The following REC114 variants were observed in gnomAD, a reference collection of about 807,000 sequenced individuals.
REC114 encodes the protein meiotic recombination protein REC114.
A neutral mutation model predicts 31.3 loss-of-function variants in REC114; 27 were observed. The ratio of observed to expected loss-of-function variants is 0.86; its 90% confidence interval spans 0.64 to 1.19. The LOEUF is 1.19. Ranked by LOEUF, REC114 falls within the 50% of genes most tolerant of loss-of-function variation. The pLI is 0.00. For synonymous variants in REC114, 134 were observed against 127.7 expected, an observed-to-expected ratio of 1.05 and a Z score of -0.33; for missense variants, 344 against 326.9, an observed-to-expected ratio of 1.05 and a Z score of -0.40.
chr15:73,470,818 G>A (rs572581650), intron 1 of REC114, among the ~76,000 whole-genome samples: 2 of 152,284 alleles, frequency 1.3e-5, no homozygotes, highest in South Asian at 4.1e-4. Flanking sequence ...TTAAGCTAAG[G>A]TTTGAAGATG....
intron 1 of REC114, among the ~76,000 whole-genome samples, chr15:73,463,289 G>A (rs901164333): frequency 7.2e-5 from 11 of 152,044 alleles, no homozygotes; most frequent in African/African-American, 2.7e-4. Flanking sequence ...TTTGCTGACC[G>A]CCATCTCTGT....
intron 1 of REC114, among the ~76,000 whole-genome samples, chr15:73,456,792 T>C (rs1225192653): frequency 6.6e-6 from 1 of 152,190 alleles, no homozygotes; most frequent in East Asian, 1.9e-4. Context: ...TTTTCTTGTC[T>C]GTAAAATCTG....
intron 2 of REC114, among the ~76,000 whole-genome samples, chr15:73,476,198 A>G (rs557514382): frequency 6.6e-6 from 1 of 152,362 alleles, no homozygotes; most frequent in African/African-American, 2.4e-5. Flanking sequence ...TATAACTTAA[A>G]TATTGTAATT....
At chr15:73,494,410 T>G (rs1403357312) in intron 2 of REC114, among the ~76,000 whole-genome samples, 1 of 151,504 alleles carries the variant, frequency 6.6e-6, no homozygotes, top group Non-Finnish European at 1.5e-5. Flanking sequence ...GAGAATCATT[T>G]GAACCTGGGA....
At chr15:73,466,549 C>T (rs1460200973) in intron 1 of REC114, among the ~76,000 whole-genome samples, 27 of 151,742 alleles carry the variant, frequency 1.8e-4, no homozygotes, top group Admixed American at 1.4e-3. Context: ...GCAAGACTCC[C>T]GCTGGGGGAA....
intron 2 of REC114, among the ~76,000 whole-genome samples, chr15:73,506,561 A>C (rs1473352399): frequency 6.6e-6 from 1 of 152,252 alleles, no homozygotes; most frequent in African/African-American, 2.4e-5. Context: ...ATTGTTAACT[A>C]TAAACAATGT....
intron 2 of REC114, among the ~76,000 whole-genome samples, chr15:73,528,235 C>G (rs1331771185): frequency 6.6e-6 from 1 of 152,062 alleles, no homozygotes; most frequent in Non-Finnish European, 1.5e-5. Context: ...TGTATTCTGT[C>G]TCATAAAGAA....
chr15:73,551,991 T>C (rs1381837874), intron 4 of REC114, among the ~76,000 whole-genome samples: 1 of 152,214 alleles, frequency 6.6e-6, no homozygotes, highest in Non-Finnish European at 1.5e-5. Flanking sequence ...ATGAAATGTG[T>C]CAATATTTGA....
chr15:73,446,495 C>T (rs1892766623), intron 1 of REC114, among the ~76,000 whole-genome samples: 1 of 152,110 alleles, frequency 6.6e-6, no homozygotes, highest in Non-Finnish European at 1.5e-5. Flanking sequence ...CAAAAATTAG[C>T]CGGGTGTAGT....
intron 2 of REC114, among the ~76,000 whole-genome samples, chr15:73,503,226 C>T (rs548606340): frequency 2.0e-5 from 3 of 152,302 alleles, no homozygotes; most frequent in African/African-American, 7.2e-5. Flanking sequence ...ATGCTTACAG[C>T]AGTTTTATTC....
chr15:73,538,898 TAAA>T (rs879777585), intron 2 of REC114, among the ~76,000 whole-genome samples: 1 of 140,928 alleles, frequency 7.1e-6, no homozygotes, highest in Admixed American at 7.1e-5. Context: ...ATCTTATGTT[TAAA>T]AAAAAAAAAA....
chr15:73,450,519 T>A (rs938131067), intron 1 of REC114, among the ~76,000 whole-genome samples: 1 of 151,892 alleles, frequency 6.6e-6, no homozygotes, highest in African/African-American at 2.4e-5. Context: ...GACTTAGACT[T>A]CCACACAATA....
intron 2 of REC114, among the ~76,000 whole-genome samples, chr15:73,519,094 A>G (rs1276979080): frequency 6.6e-6 from 1 of 152,234 alleles, no homozygotes; most frequent in African/African-American, 2.4e-5. Context: ...ACAGAAAGTA[A>G]CAAGTGTTGG....
chr15:73,467,173 T>C (rs776174763), intron 1 of REC114, among the ~76,000 whole-genome samples: 39 of 152,258 alleles, frequency 2.6e-4, no homozygotes, highest in Non-Finnish European at 4.6e-4. Context: ...ATATATATTA[T>C]TTAAACTCAG....
chr15:73,553,301 C>CT (rs1170321657), intron 4 of REC114, among the ~76,000 whole-genome samples: 1 of 152,188 alleles, frequency 6.6e-6, no homozygotes, highest in Non-Finnish European at 1.5e-5. Flanking sequence ...AATGCTGAAG[C>CT]TGCTTGCCTC....
intron 2 of REC114, among the ~76,000 whole-genome samples, chr15:73,519,694 T>A (rs1893908734): frequency 6.6e-6 from 1 of 152,252 alleles, no homozygotes; most frequent in South Asian, 2.1e-4. Context: ...CATCGCAGAT[T>A]ATTCACAGTA....
chr15:73,523,357 T>G (rs1595877053), intron 2 of REC114, among the ~76,000 whole-genome samples: 2 of 149,122 alleles, frequency 1.3e-5, no homozygotes, highest in South Asian at 2.1e-4. Context: ...AAATTGGAAG[T>G]GAGGTACAGA....
At chr15:73,480,516 C>G (rs985451160) in intron 2 of REC114, among the ~76,000 whole-genome samples, 2 of 152,066 alleles carry the variant, frequency 1.3e-5, no homozygotes, top group Non-Finnish European at 2.9e-5. Flanking sequence ...TAATTTTCAT[C>G]AGTTCATGCC....
At chr15:73,535,522 AAG>A (rs1894142289) in intron 2 of REC114, among the ~76,000 whole-genome samples, 1 of 150,846 alleles carries the variant, frequency 6.6e-6, no homozygotes, top group Admixed American at 6.6e-5. Flanking sequence ...AAGGAAATAA[AAG>A]AGGATACAAA....
Sources: allele counts gnomAD v4.1 joint callset (sites outside exome capture counted in the v4.1 genomes callset), GRCh38; gene constraint gnomAD v4.1.1; transcripts MANE v1.5; gene names NCBI Gene and HGNC (gene_info 2026-07-23, HGNC 2026-07-21).